Variants in DIXDC1 observed in about 807,000 individuals in gnomAD.
DIXDC1 encodes the protein DIX domain containing 1.
DIXDC1 carries 64 observed loss-of-function variants against 103.1 expected under a neutral mutation model. The observed-to-expected ratio is 0.62, with a 90% CI of 0.51 to 0.76. The LOEUF (loss-of-function observed/expected upper bound fraction) is 0.76, where lower values mean the gene tolerates loss of function less well. Among genes scored for constraint, DIXDC1 ranks in the 30% least tolerant of loss-of-function variants. The pLI is 0.00. For missense variants in DIXDC1, 759 were observed against 834.2 expected (o/e 0.91, Z 1.11); for synonymous variants, 266 against 298.5 (o/e 0.89, Z 1.12).
rs1555168302 is a variant in DIXDC1 at position 111,937,480 on chromosome 11, G to A, written c.-20G>A. ...GCCGCCGGGCTGGAGACCCCGCCCG[G>A]GGAGCCCCCAGCAGGAACAATGCTA... On this transcript the variant is annotated 5_prime_UTR_variant, in exon 1 of 20. Coordinates refer to ENST00000440460, the MANE Select transcript of DIXDC1 (RefSeq NM_001037954.4). 1 of 1,572,044 alleles carries A rather than the reference G, an allele frequency of 6.4e-7. No individual in the cohort carries two copies. Among genetic ancestry groups the A allele is most frequent in the Non-Finnish European group, 8.6e-7 (1 of 1,159,356 alleles).
At position 111,993,652 on chromosome 11, in the gene DIXDC1, T is replaced by G. The variant is rs1555174870; in HGVS notation, c.1366-17T>G. ...GGCCCAAAGAAATCATTTTCTGATT[T>G]AGTGTCTATTTTGCAGGTGGATCTA... On this transcript the variant is annotated splice_polypyrimidine_tract_variant and intron_variant, in intron 13 of 19. Transcript: ENST00000440460. 1.9e-6 allele frequency: 3 copies of G among 1,614,004 alleles called. No individual in the cohort carries two copies. Among genetic ancestry groups the G allele is most frequent in the South Asian group, 2.2e-5 (2 of 91,076 alleles).
At chr11:111,946,310 G>A (rs1966595192) in intron 1 of DIXDC1, among the ~76,000 whole-genome samples, 1 of 152,010 alleles carries the variant, frequency 6.6e-6, no homozygotes, top group Non-Finnish European at 1.5e-5. Flanking sequence ...GGGTTTCACC[G>A]TGTTAGCCAG....
chr11:111,954,146 A>G (rs1555170350), intron 1 of DIXDC1, among the ~76,000 whole-genome samples: 1 of 152,140 alleles, frequency 6.6e-6, no homozygotes, highest in Non-Finnish European at 1.5e-5. Context: ...ATAATTATAC[A>G]ACTTACCATA....
At position 111,945,678 on chromosome 11, in the gene DIXDC1, GT is replaced by G. The variant is rs1592547479; in HGVS notation, c.60+8121del. On this transcript the variant is annotated intron_variant, in intron 1 of 19. Coordinates refer to ENST00000440460, the MANE Select transcript of DIXDC1 (RefSeq NM_001037954.4). ...TAGTTTTCTGACTTTGTGCTGGTGT[GT>G]TCAATACTTTTTCTTTTCCTGAATA... The G allele has an allele frequency of 2.0e-5, 3 of 152,178 alleles. No homozygotes were observed. In the East Asian group the frequency reaches 5.8e-4, roughly 29 times the overall value. 9.4% of individuals were successfully genotyped at this position (152,178 alleles called of 1,614,324 possible).
intron 17 of DIXDC1, among the ~76,000 whole-genome samples, chr11:112,003,402 G>C (rs1038427403): frequency 6.6e-6 from 1 of 151,926 alleles, no homozygotes; most frequent in Admixed American, 6.6e-5. Flanking sequence ...AGCTGAGATC[G>C]CACCACTGCA....
At chr11:111,969,316 T>G (rs1291093522) in intron 3 of DIXDC1, among the ~76,000 whole-genome samples, 1 of 152,096 alleles carries the variant, frequency 6.6e-6, no homozygotes, top group Non-Finnish European at 1.5e-5. Flanking sequence ...ATTTTAGAAT[T>G]TCTCATTTAA....
At chr11:111,937,293 G>T (rs1271443873), upstream of DIXDC1, 3 of 1,326,214 alleles carry the variant, frequency 2.3e-6, no homozygotes, top group Non-Finnish European at 2.9e-6. Context: ...CGACCGCGCC[G>T]GGCCCCTCCA....
At chr11:112,005,058 C>T (rs1388857507) in intron 17 of DIXDC1, among the ~76,000 whole-genome samples, 29 of 152,076 alleles carry the variant, frequency 1.9e-4, no homozygotes, top group African/African-American at 5.3e-4. Flanking sequence ...ACAAGGATGT[C>T]GAAACCATCA....
intron 1 of DIXDC1, among the ~76,000 whole-genome samples, chr11:111,959,173 G>A (rs1859491862): frequency 6.6e-6 from 1 of 152,190 alleles, no homozygotes; most frequent in Non-Finnish European, 1.5e-5. Context: ...AACACCAACA[G>A]GTCTGAAACA....
chr11:111,968,305 A>G (rs1859803531), intron 2 of DIXDC1, among the ~76,000 whole-genome samples: 1 of 152,102 alleles, frequency 6.6e-6, no homozygotes, highest in African/African-American at 2.4e-5. Flanking sequence ...AACTTCACAG[A>G]CCCCTAAGTA....
At position 111,958,230 on chromosome 11, in the gene DIXDC1, G is replaced by A. The variant is rs183398806; in HGVS notation, c.61-6319G>A. Among the ~76,000 whole-genome samples the A allele has an allele frequency of 1.9e-3, 276 of 148,550 alleles. 4 individuals are homozygous for A. Among genetic ancestry groups the A allele is most frequent in the African/African-American group, 6.5e-3 (262 of 40,312 alleles). ...AGCTGCAGCCACCCAAACCATGGCT[G>A]TGGACCAGGCATCCCTGTGCTCTTG... On this transcript the variant is annotated intron_variant, in intron 1 of 19. Transcript: ENST00000440460. This position sits in a 1 kb window ranked among gnomAD's most constrained non-coding sequence, Gnocchi z 4.2.
chr11:112,004,229 C>G (rs1358344734), intron 17 of DIXDC1, among the ~76,000 whole-genome samples: 1 of 151,778 alleles, frequency 6.6e-6, no homozygotes, highest in Non-Finnish European at 1.5e-5. Context: ...AAAAGGTTGG[C>G]TGTGGGGATA....
In DIXDC1 at chr11:112,019,834, G is replaced by C. The variant is rs1861702872; in HGVS notation, c.*798G>C. On this transcript the variant is annotated 3_prime_UTR_variant, in exon 20 of 20. Coordinates refer to ENST00000440460, the MANE Select transcript of DIXDC1 (RefSeq NM_001037954.4). Reference sequence around the variant, plus strand: ...GTTTGAAAGGCATAAGGAGTGAAAAGCTCCTTGAAAATCCAGGCGGGTATG... The same window carrying C: ...GTTTGAAAGGCATAAGGAGTGAAAACCTCCTTGAAAATCCAGGCGGGTATG... 2 of 152,144 alleles carry C rather than the reference G, an allele frequency of 1.3e-5. No individual in the cohort carries two copies. Among genetic ancestry groups the C allele is most frequent in the East Asian group, 1.9e-4 (1 of 5,196 alleles). 9.4% of individuals were successfully genotyped at this position (152,144 alleles called of 1,614,324 possible). A position where few individuals can be genotyped will look rare whatever the true frequency, so the allele number is the denominator to read the frequency against.
At chr11:111,936,695 C>T (rs1183680325), upstream of DIXDC1, among the ~76,000 whole-genome samples, 1 of 152,082 alleles carries the variant, frequency 6.6e-6, no homozygotes, top group African/African-American at 2.4e-5. Flanking sequence ...TTATTTCTTT[C>T]CCTTCTGCTT....
chr11:111,959,091 C>T (rs1329525170), intron 1 of DIXDC1, among the ~76,000 whole-genome samples: 3 of 152,208 alleles, frequency 2.0e-5, no homozygotes, highest in Admixed American at 1.3e-4. Context: ...TCCACTTACC[C>T]ACATACCTCA....
At chr11:111,933,277 C>T (rs1273600797), upstream of DIXDC1, among the ~76,000 whole-genome samples, 1 of 152,028 alleles carries the variant, frequency 6.6e-6, no homozygotes, top group Non-Finnish European at 1.5e-5. Flanking sequence ...TACAGGCATG[C>T]GCCACCATGC....
chr11:111,949,750 C>G (rs1461727906), intron 1 of DIXDC1, among the ~76,000 whole-genome samples: 1 of 152,162 alleles, frequency 6.6e-6, no homozygotes, highest in Non-Finnish European at 1.5e-5. Context: ...GGCTGTTCCT[C>G]TAAGATAGTA....
intron 12 of DIXDC1, 145 bp from the exon 13 acceptor site, chr11:111,993,349 GGT>G (rs1860768271): frequency 8.0e-6 from 6 of 747,456 alleles, no homozygotes; most frequent in Non-Finnish European, 1.3e-5. Context: ...AGATTATTAT[GGT>G]GTGTAAAGTC....
chr11:111,936,574 C>G (rs1966192104), upstream of DIXDC1, among the ~76,000 whole-genome samples: 1 of 152,154 alleles, frequency 6.6e-6, no homozygotes, highest in South Asian at 2.1e-4. Context: ...GTTTCTGTTG[C>G]GATCCTGCGT....
Sources: gnomAD v4.1 joint callset for allele counts (sites outside exome capture counted in the v4.1 genomes callset) on GRCh38, gnomAD v4.1.1 for gene constraint, Gnocchi (gnomAD v3.1) non-coding constraint, MANE v1.5 for transcripts, NCBI Gene and HGNC (gene_info 2026-07-23, HGNC 2026-07-21) for gene names.